The following CMSS1 variants were observed in gnomAD, a reference collection of about 807,000 sequenced individuals.
The protein encoded by CMSS1 is protein CMSS1.
In CMSS1, 33 loss-of-function variants were observed where a neutral mutation model predicts 43.5. The ratio of observed to expected loss-of-function variants is 0.76; its 90% CI spans 0.57 to 1.01. The LOEUF is 1.01. Among genes scored for constraint, CMSS1 ranks in the 50% least tolerant of loss-of-function variants. CMSS1 has a pLI of 0.00. For missense variants in CMSS1, 313 were observed against 326.4 expected, an observed-to-expected ratio of 0.96 and a Z score of 0.32; for synonymous variants, 115 against 117.2, an observed-to-expected ratio of 0.98 and a Z score of 0.12.
At chr3:99,847,815 T>G in intron 1 of CMSS1, 2 of 337,934 alleles carry the variant, frequency 5.9e-6, no homozygotes, top group Non-Finnish European at 8.4e-6. Context: ...GGGACATAGG[T>G]CCTGTTTGTT....
chr3:99,976,723 A>C (rs1220460764), intron 1 of CMSS1, among the ~76,000 whole-genome samples: 1 of 151,936 alleles, frequency 6.6e-6, no homozygotes, highest in Non-Finnish European at 1.5e-5. Flanking sequence ...TTATTATCTT[A>C]TTTTATTGTT....
chr3:100,007,772 G>A (rs1710030126), intron 1 of CMSS1, among the ~76,000 whole-genome samples: 2 of 152,118 alleles, frequency 1.3e-5, no homozygotes, highest in African/African-American at 4.8e-5. Context: ...ATATAGTACT[G>A]ATAGAAAAAA....
chr3:99,863,627 T>C (rs1192986156), intron 1 of CMSS1, among the ~76,000 whole-genome samples: 20 of 152,362 alleles, frequency 1.3e-4, no homozygotes, highest in Non-Finnish European at 1.5e-5. Context: ...TTCAGTCTAT[T>C]TTGTGTACTT....
rs528001888 is a variant in CMSS1, at chr3:100,172,402, A to G, written c.666A>G (p.Gln222=). 7.3e-5 allele frequency: 117 copies of G among 1,612,268 alleles called. No homozygotes were observed. In the African/African-American group the frequency reaches 1.4e-3, roughly 19 times the overall value. ...TPGRIKELVK[Q]GGLNLSPLKF... is the part of the protein sequence containing the mutation. Reference sequence around the variant, plus strand: ...GGAGAATTAAAGAACTTGTTAAACAAGGTATGACAAGAGGGCAGTGATACT... The same window carrying G: ...GGAGAATTAAAGAACTTGTTAAACAGGGTATGACAAGAGGGCAGTGATACT... The change falls in exon 8 of 10, where the codon CAA becomes CAG. Residue 222 remains glutamine, a splice_region_variant and synonymous_variant. Coordinates refer to ENST00000421999, the MANE Select transcript of CMSS1 (RefSeq NM_032359.4).
intron 1 of CMSS1, among the ~76,000 whole-genome samples, chr3:100,027,317 C>T (rs1365345973): frequency 6.6e-6 from 1 of 152,094 alleles, no homozygotes; most frequent in Non-Finnish European, 1.5e-5. Context: ...GGAAATGAGC[C>T]TCACACATGG....
At chr3:99,827,989 T>C (rs750173098) in intron 1 of CMSS1, among the ~76,000 whole-genome samples, 2 of 152,256 alleles carry the variant, frequency 1.3e-5, no homozygotes, top group African/African-American at 4.8e-5. Flanking sequence ...TGGATAAAAA[T>C]GTACTTTAGG....
chr3:99,818,094 G>C lies in CMSS1; in HGVS notation c.64+51G>C, dbSNP rs1261234798. The C allele has an allele frequency of 5.2e-6, 8 of 1,550,606 alleles. No homozygotes were observed. In the South Asian group the frequency reaches 7.9e-5, roughly 15 times the overall value. On this transcript the variant is annotated intron_variant, in intron 1 of 9. Transcript: ENST00000421999. ...ACGGGGCCTCTCCCGGAGCCCTTCC[G>C]TGCGCCTCAGCCCTGGTCGCTTCTG... is the stretch of plus-strand genomic sequence containing the variant.
At chr3:99,833,763 T>C (rs1393666152) in intron 1 of CMSS1, among the ~76,000 whole-genome samples, 2 of 152,244 alleles carry the variant, frequency 1.3e-5, no homozygotes, top group Non-Finnish European at 2.9e-5. Context: ...CAGAGACCTC[T>C]GGTCATTTTG....
At chr3:99,853,763 C>T (rs1435215824) in intron 1 of CMSS1, among the ~76,000 whole-genome samples, 1 of 152,158 alleles carries the variant, frequency 6.6e-6, no homozygotes, top group East Asian at 1.9e-4. Flanking sequence ...TTCCAATAAC[C>T]TGCTATTTTC....
intron 1 of CMSS1, among the ~76,000 whole-genome samples, chr3:100,074,841 G>A (rs1046153759): frequency 3.3e-5 from 5 of 151,078 alleles, no homozygotes; most frequent in African/African-American, 4.9e-5. Context: ...TTACAGGTGC[G>A]CACCACCACT....
intron 1 of CMSS1, among the ~76,000 whole-genome samples, chr3:100,133,846 G>C (rs2066729588): frequency 1.3e-5 from 2 of 152,196 alleles, no homozygotes; most frequent in South Asian, 4.1e-4. Flanking sequence ...CAAAAACTCT[G>C]TAAGAAAAGG....
At chr3:100,076,217 G>A (rs2065848389) in intron 1 of CMSS1, among the ~76,000 whole-genome samples, 2 of 152,228 alleles carry the variant, frequency 1.3e-5, no homozygotes, top group African/African-American at 2.4e-5. Context: ...TCACTGCTCA[G>A]TGGAGGCTTG....
At chr3:100,028,443 G>A (rs2064966235) in intron 1 of CMSS1, among the ~76,000 whole-genome samples, 1 of 152,228 alleles carries the variant, frequency 6.6e-6, no homozygotes, top group Non-Finnish European at 1.5e-5. Context: ...CTGCTAAGGT[G>A]GTTTTTCTGT....
intron 1 of CMSS1, among the ~76,000 whole-genome samples, chr3:99,974,384 CA>C (rs1256234732): frequency 6.6e-6 from 1 of 152,102 alleles, no homozygotes; most frequent in Non-Finnish European, 1.5e-5. Flanking sequence ...CTGTCACTAT[CA>C]GGTCAAAAAA....
chr3:99,948,431 G>A (rs1009362966), intron 1 of CMSS1, among the ~76,000 whole-genome samples: 7 of 151,720 alleles, frequency 4.6e-5, no homozygotes, highest in African/African-American at 1.7e-4. Flanking sequence ...CCATCTACTC[G>A]TGAGGCTGAG....
intron 5 of CMSS1, 103 bp downstream of exon 5, chr3:100,166,497 C>G (rs960060536): frequency 5.6e-6 from 4 of 709,942 alleles, no homozygotes; most frequent in Non-Finnish European, 9.8e-6. Context: ...CACATTAGGC[C>G]ATTATTGCTC....
chr3:100,047,991 C>G (rs531654506), intron 1 of CMSS1, among the ~76,000 whole-genome samples: 11 of 152,274 alleles, frequency 7.2e-5, no homozygotes, highest in African/African-American at 2.6e-4. Context: ...AATATACCCT[C>G]CTAAGAAACA....
At chr3:100,141,891 C>G (rs7652706) in intron 1 of CMSS1, among the ~76,000 whole-genome samples, 26,271 of 152,102 alleles carry the variant, frequency 0.17, 2,344 homozygotes, top group South Asian at 0.21. Context: ...CTCCTCGAAT[C>G]CCAGCAGTCC....
Position 99,988,343 on chromosome 3 carries a change from A to C in CMSS1, c.65-158630A>C, listed in dbSNP as rs1389342429. 8.3e-3 allele frequency among the ~76,000 whole-genome samples: 756 copies of C among 90,670 alleles called. 29 individuals are homozygous for C. Among genetic ancestry groups the C allele is most frequent in the African/African-American group, 0.031 (648 of 21,072 alleles). 59.5% of individuals were successfully genotyped at this position (90,670 alleles called of 152,430 possible). A position where few individuals can be genotyped will look rare whatever the true frequency, so the allele number is the denominator to read the frequency against. On this transcript the variant is annotated intron_variant, in intron 1 of 9. Coordinates refer to ENST00000421999, the MANE Select transcript of CMSS1 (RefSeq NM_032359.4). ...AAACCCCACCTCTACTAAAAATCCA[A>C]AAAAAAAAAAAAAAAAAAAATTAGC...
Sources: gnomAD v4.1 joint callset for allele counts (sites outside exome capture counted in the v4.1 genomes callset) on GRCh38, gnomAD v4.1.1 for gene constraint, MANE v1.5 for transcripts, NCBI Gene and HGNC (gene_info 2026-07-23, HGNC 2026-07-21) for gene names.